The following TENM3 variants were observed in gnomAD, a reference collection of about 807,000 sequenced individuals.
The protein encoded by TENM3 is teneurin-3.
Under a neutral mutation model 255.1 loss-of-function variants are expected in TENM3, and 63 were observed. The ratio of observed to expected loss-of-function variants is 0.25; its 90% CI spans 0.20 to 0.30. The LOEUF is 0.30. Among genes scored for constraint, TENM3 ranks in the 10% least tolerant of loss-of-function variants. TENM3 has a pLI of 1.00. For synonymous variants in TENM3, 1,306 were observed against 1,322.3 expected (o/e 0.99, Z 0.27); for missense variants, 2,929 against 3,461.1 (o/e 0.85, Z 3.86).
chr4:182,051,941 T>C, the TENM3 span, among the ~76,000 whole-genome samples: 1 of 151,968 alleles, frequency 6.6e-6, no homozygotes, highest in South Asian at 2.1e-4. Flanking sequence ...AGCTCGGTGT[T>C]TTCAAATGAG....
the TENM3 span, among the ~76,000 whole-genome samples, chr4:181,901,492 C>G: frequency 2.0e-5 from 3 of 152,194 alleles, no homozygotes; most frequent in African/African-American, 7.2e-5. Context: ...TTTAGATGAG[C>G]CTCTGATCCT....
the TENM3 span, among the ~76,000 whole-genome samples, chr4:181,652,820 A>T: frequency 1.3e-5 from 2 of 152,350 alleles, no homozygotes; most frequent in African/African-American, 2.4e-5. Flanking sequence ...ACATGTAATG[A>T]CTAATTGCTC....
chr4:181,546,076 C>G, the TENM3 span, among the ~76,000 whole-genome samples: 1 of 152,208 alleles, frequency 6.6e-6, no homozygotes, highest in East Asian at 1.9e-4. Flanking sequence ...CATTTTCTCT[C>G]TGGTGGCCAC....
chr4:181,495,937 T>C, the TENM3 span, among the ~76,000 whole-genome samples: 1 of 147,714 alleles, frequency 6.8e-6, no homozygotes, highest in Non-Finnish European at 1.5e-5. Flanking sequence ...CATAAAACTT[T>C]GCTCATCCAG....
chr4:182,423,415 T>C (rs965425616), intron 3 of TENM3, among the ~76,000 whole-genome samples: 1 of 152,176 alleles, frequency 6.6e-6, no homozygotes, highest in Non-Finnish European at 1.5e-5. Flanking sequence ...ACAGCTGTGG[T>C]CAATATGGTT....
At chr4:182,596,831 T>C (rs943698565) in intron 3 of TENM3, among the ~76,000 whole-genome samples, 3 of 152,200 alleles carry the variant, frequency 2.0e-5, no homozygotes, top group Admixed American at 6.5e-5. Context: ...TGCAGTAACA[T>C]TAAACCTGGT....
At chr4:182,716,545 A>T (rs1265380936) in intron 13 of TENM3, among the ~76,000 whole-genome samples, 1 of 152,202 alleles carries the variant, frequency 6.6e-6, no homozygotes, top group Non-Finnish European at 1.5e-5. Context: ...TTTAAGAAGG[A>T]ATCTCAGTGC....
intron 3 of TENM3, among the ~76,000 whole-genome samples, chr4:182,457,717 C>G (rs911874330): frequency 6.6e-6 from 1 of 151,932 alleles, no homozygotes; most frequent in Non-Finnish European, 1.5e-5. Context: ...GCCACCATGC[C>G]CAGCTAATTT....
the TENM3 span, among the ~76,000 whole-genome samples, chr4:181,466,361 C>T: frequency 6.6e-6 from 1 of 151,996 alleles, no homozygotes; most frequent in East Asian, 1.9e-4. Flanking sequence ...TGTGATCCAC[C>T]CGCCTCGGCC....
chr4:182,341,520 C>T (rs536600641), intron 2 of TENM3, among the ~76,000 whole-genome samples: 1 of 152,296 alleles, frequency 6.6e-6, no homozygotes, highest in Admixed American at 6.5e-5. Flanking sequence ...GATCCGAAGA[C>T]ATGGGTCCAA....
chr4:182,006,611 C>A, the TENM3 span, among the ~76,000 whole-genome samples: 1 of 151,594 alleles, frequency 6.6e-6, no homozygotes, highest in Non-Finnish European at 1.5e-5. Flanking sequence ...TTTGATTCTT[C>A]TCTCTTTTCT....
chr4:182,597,768 G>A (rs571856423), intron 3 of TENM3, among the ~76,000 whole-genome samples: 19 of 152,194 alleles, frequency 1.2e-4, no homozygotes, highest in Non-Finnish European at 2.5e-4. Flanking sequence ...AAATTGGTAC[G>A]GATAAATACA....
chr4:181,801,649 AAAATATATATAT>A, the TENM3 span, among the ~76,000 whole-genome samples: 758 of 113,396 alleles, frequency 6.7e-3, 10 homozygotes, highest in African/African-American at 0.024. Context: ...AAAGAATTGT[AAAATATATATAT>A]ATATATATAT....
rs1434189564 is a variant in TENM3, at chr4:182,290,876, G to A, written c.-75-33070G>A. Among the ~76,000 whole-genome samples, 8 of 150,928 alleles carry A rather than the reference G, an allele frequency of 5.3e-5. No homozygotes were observed. The East Asian group carries it at 1.2e-3, about 22-fold the overall frequency. ...TGCTTTGTCGCCCAGGCAGGAGTGC[G>A]GTGGCACAATCTCTGTTCACTGCAA... On this transcript the variant is annotated intron_variant, in intron 1 of 27. Transcript: ENST00000511685.
chr4:182,259,543 A>C (rs1358426042), intron 1 of TENM3, among the ~76,000 whole-genome samples: 2 of 151,876 alleles, frequency 1.3e-5, no homozygotes, highest in Non-Finnish European at 2.9e-5. Context: ...GAACTCCTAG[A>C]CTCAAGCAAG....
At chr4:181,546,220 G>A in the TENM3 span, among the ~76,000 whole-genome samples, 15,909 of 152,022 alleles carry the variant, frequency 0.1, 1,017 homozygotes, top group South Asian at 0.18. Flanking sequence ...TTCTCCCTTC[G>A]TATAGCTTCA....
At chr4:182,432,162 A>C (rs1771706491) in intron 3 of TENM3, among the ~76,000 whole-genome samples, 1 of 152,128 alleles carries the variant, frequency 6.6e-6, no homozygotes, top group African/African-American at 2.4e-5. Flanking sequence ...AATGTTGATT[A>C]ATTGGTCCAA....
chr4:181,978,551 G>C, the TENM3 span, among the ~76,000 whole-genome samples: 43 of 151,792 alleles, frequency 2.8e-4, no homozygotes, highest in Middle Eastern at 3.4e-3. Context: ...GGAGGCTAAG[G>C]CAGGAGAATC....
rs535163612 is a variant in TENM3, at chr4:182,276,865, A to G, written c.-76+33389A>G. Among the ~76,000 whole-genome samples the G allele has an allele frequency of 3.9e-5, 6 of 152,358 alleles. No individual in the cohort carries two copies. The South Asian group carries it at 1.2e-3, about 32-fold the overall frequency. ...CTGCTGGGCATAAAGTCTGCTAAGT[A>G]AAATGAAATGAACTCAGCTCTGTGT... On this transcript the variant is annotated intron_variant, in intron 1 of 27. Transcript: ENST00000511685.
Sources: gnomAD v4.1 joint callset for allele counts (sites outside exome capture counted in the v4.1 genomes callset) on GRCh38, gnomAD v4.1.1 for gene constraint, MANE v1.5 for transcripts, NCBI Gene and HGNC (gene_info 2026-07-23, HGNC 2026-07-21) for gene names.